The following PCNX2 variants were observed in gnomAD, a reference collection of about 807,000 sequenced individuals.
PCNX2 encodes the protein pecanex-like protein 2.
PCNX2 carries 168 observed loss-of-function variants against 223.8 expected under a neutral mutation model. The ratio of observed to expected loss-of-function variants is 0.75; its 90% CI spans 0.66 to 0.85. PCNX2 has a LOEUF of 0.85. PCNX2 is among the 40% of genes least tolerant of loss of function. The pLI is 0.00. For missense variants in PCNX2, 2,507 were observed against 2,675.5 expected (o/e 0.94, Z 1.39); for synonymous variants, 1,006 against 1,052.6 (o/e 0.96, Z 0.86).
chr1:233,048,376 G>A (rs1671890714), intron 25 of PCNX2, among the ~76,000 whole-genome samples: 1 of 152,160 alleles, frequency 6.6e-6, no homozygotes, highest in Non-Finnish European at 1.5e-5. Flanking sequence ...AGAATCACTT[G>A]AGCCTGGGAG....
intron 21 of PCNX2, among the ~76,000 whole-genome samples, chr1:233,122,393 T>C (rs1197375328): frequency 6.6e-6 from 1 of 152,160 alleles, no homozygotes; most frequent in Admixed American, 6.5e-5. Context: ...GCATAGTGGC[T>C]TTCTTCCAAA....
chr1:233,120,164 C>CAAAAAAAAAAAAAAAAAAAAGAAAAAAAA (rs1675693262), intron 21 of PCNX2, among the ~76,000 whole-genome samples: 7 of 42,632 alleles, frequency 1.6e-4, no homozygotes, highest in Non-Finnish European at 2.2e-4. Flanking sequence ...GACTCCATTT[C>CAAAAAAAAAAAAAAAAAAAAGAAAAAAAA]AAAAAAAAAA....
At chr1:233,192,513 C>T (rs547349557) in intron 15 of PCNX2, among the ~76,000 whole-genome samples, 27 of 151,832 alleles carry the variant, frequency 1.8e-4, no homozygotes, top group Admixed American at 3.9e-4. Flanking sequence ...ATTCTCACTG[C>T]GAAATGAGGA....
At chr1:233,254,568 C>T (rs920304752) in intron 5 of PCNX2, among the ~76,000 whole-genome samples, 4 of 151,920 alleles carry the variant, frequency 2.6e-5, no homozygotes, top group African/African-American at 9.7e-5. Flanking sequence ...AAAAATAGTA[C>T]ACAGTCATTG....
chr1:233,136,392 G>A (rs774362100), intron 20 of PCNX2, among the ~76,000 whole-genome samples: 4 of 152,142 alleles, frequency 2.6e-5, no homozygotes, highest in African/African-American at 4.8e-5. Flanking sequence ...GTACAAAATT[G>A]TCATTTTTGT....
At chr1:233,009,950 A>G (rs1218779593) in intron 28 of PCNX2, among the ~76,000 whole-genome samples, 1 of 152,192 alleles carries the variant, frequency 6.6e-6, no homozygotes, top group African/African-American at 2.4e-5. Flanking sequence ...TTTGTAGGCT[A>G]TCATTTTTTC....
chr1:233,016,876 A>G, intron 27 of PCNX2, 45 bp downstream of exon 27: 1 of 1,579,976 alleles, frequency 6.3e-7, no homozygotes, highest in Non-Finnish European at 8.7e-7. Flanking sequence ...TTCTTTATTT[A>G]TTAAACTTAC....
chr1:233,187,870 T>C (rs1199862065), intron 15 of PCNX2, among the ~76,000 whole-genome samples: 1 of 152,204 alleles, frequency 6.6e-6, no homozygotes, highest in Non-Finnish European at 1.5e-5. Context: ...CTAGAAATGA[T>C]ACAATTCTAG....
rs1220274610 is a variant in PCNX2, at chr1:233,026,303, A to G, written c.4352-904T>C. On this transcript the variant is annotated intron_variant, in intron 25 of 33. Coordinates refer to ENST00000258229, the MANE Select transcript of PCNX2 (RefSeq NM_014801.4). ...GCCTTGAGGTGGGAACATACTTATT[A>G]TATGTTCCTAGAGCAGCACGAAAGT... Among the ~76,000 whole-genome samples the G allele has an allele frequency of 5.3e-5, 8 of 152,220 alleles. No individual in the cohort carries two copies. The East Asian group carries it at 9.6e-4, about 18-fold the overall frequency.
the PCNX2 span, among the ~76,000 whole-genome samples, chr1:233,305,538 A>G: frequency 6.6e-6 from 1 of 151,960 alleles, no homozygotes; most frequent in African/African-American, 2.4e-5. Flanking sequence ...TCAACCTCCC[A>G]GGCTATAGTG....
chr1:233,264,892 A>G (rs1660247065), intron 1 of PCNX2, among the ~76,000 whole-genome samples: 1 of 152,196 alleles, frequency 6.6e-6, no homozygotes, highest in African/African-American at 2.4e-5. Context: ...GAAGAGGGTA[A>G]GAAGGAAAAG....
rs58700930 is a variant in PCNX2 at position 233,235,598 on chromosome 1, G to GTGTT, written c.2358+1243_2358+1246dup. The stretch of plus-strand genomic sequence containing the variant: ...TATAAATTTCAACCCAATGTATTTT[G>GTGTT]TGTTTGTTTGTTTGTTTGTTTGAGA... On this transcript the variant is annotated intron_variant, in intron 9 of 33. Coordinates refer to ENST00000258229, the MANE Select transcript of PCNX2 (RefSeq NM_014801.4). Among the ~76,000 whole-genome samples, 1,478 of 151,946 alleles carry GTGTT rather than the reference G, an allele frequency of 9.7e-3. 21 individuals are homozygous for GTGTT. The highest frequency in any genetic ancestry group is 0.03 in the African/African-American group (1,222 of 41,308).
chr1:233,073,473 AT>A (rs1027110403), intron 23 of PCNX2, among the ~76,000 whole-genome samples: 4 of 151,710 alleles, frequency 2.6e-5, no homozygotes, highest in East Asian at 1.9e-4. Context: ...TCTTTAAAAA[AT>A]TTTTTTTGAG....
chr1:233,093,853 C>G (rs982640303), intron 22 of PCNX2, among the ~76,000 whole-genome samples: 1 of 152,112 alleles, frequency 6.6e-6, no homozygotes, highest in Non-Finnish European at 1.5e-5. Context: ...ATCTGCATCT[C>G]GAATGTTTCC....
intron 21 of PCNX2, among the ~76,000 whole-genome samples, chr1:233,118,830 TG>T (rs1333019640): frequency 2.0e-5 from 3 of 152,342 alleles, no homozygotes; most frequent in African/African-American, 7.2e-5. Context: ...TCAGCAAGTA[TG>T]TTTTTTTACA....
In PCNX2 at chr1:232,984,656, G is replaced by A. The variant is rs994745999; in HGVS notation, c.6241-179C>T. 13 of 605,928 alleles carry A rather than the reference G, an allele frequency of 2.1e-5. No homozygotes were observed. The African/African-American group carries it at 2.3e-4, about 11-fold the overall frequency. The allele number at this position is 605,928 out of a possible 1,614,324, so 37.5% of individuals were successfully genotyped here. On this transcript the variant is annotated intron_variant, in intron 33 of 33. Transcript: ENST00000258229. Reference sequence around the variant, plus strand: ...CCAGCACAGTGGCCTCTGAGGACAGGACGGGCAACTGAAGCAGCATCTGAG... The same window carrying A: ...CCAGCACAGTGGCCTCTGAGGACAGAACGGGCAACTGAAGCAGCATCTGAG...
intron 25 of PCNX2, among the ~76,000 whole-genome samples, chr1:233,044,703 T>C (rs1671766379): frequency 6.6e-6 from 1 of 152,030 alleles, no homozygotes; most frequent in South Asian, 2.1e-4. Context: ...AGTTTCACTC[T>C]TGTCGCCCAG....
At chr1:233,297,183 T>C (rs1287435202), upstream of PCNX2, among the ~76,000 whole-genome samples, 4 of 151,984 alleles carry the variant, frequency 2.6e-5, no homozygotes, top group African/African-American at 9.7e-5. Context: ...GTCACGTGCA[T>C]GGGTATAGGA....
chr1:232,996,184 T>C (rs1669867880), intron 32 of PCNX2, among the ~76,000 whole-genome samples: 1 of 152,130 alleles, frequency 6.6e-6, no homozygotes, highest in Non-Finnish European at 1.5e-5. Context: ...TCTGCCAAGC[T>C]TCAAGAAACC....
Sources: gnomAD v4.1 joint callset for allele counts (sites outside exome capture counted in the v4.1 genomes callset) on GRCh38, gnomAD v4.1.1 for gene constraint, MANE v1.5 for transcripts, NCBI Gene and HGNC (gene_info 2026-07-23, HGNC 2026-07-21) for gene names.